SCN9A: variants seen among roughly 807,000 people sequenced by gnomAD.
SCN9A encodes the protein sodium channel protein type 9 subunit alpha.
Under a neutral mutation model 187.0 loss-of-function variants are expected in SCN9A, and 131 were observed. The ratio of observed to expected loss-of-function variants is 0.70; its 90% CI spans 0.61 to 0.81. The LOEUF (loss-of-function observed/expected upper bound fraction) is 0.81. Among genes scored for constraint, SCN9A ranks in the 30% least tolerant of loss-of-function variants. The pLI, the probability that SCN9A is intolerant of heterozygous loss-of-function variation, is 0.00. For missense variants in SCN9A, 2,252 were observed against 2,396.6 expected (o/e 0.94, Z 1.26); for synonymous variants, 809 against 808.6 (o/e 1.00, Z -0.01).
chr2:166,264,425 G>T (rs1024278191), intron 17 of SCN9A, among the ~76,000 whole-genome samples: 3 of 151,906 alleles, frequency 2.0e-5, no homozygotes, highest in African/African-American at 7.2e-5. Flanking sequence ...TTATTCTCAT[G>T]GGTACCTTTG....
intron 2 of SCN9A, among the ~76,000 whole-genome samples, chr2:166,309,361 G>C (rs1559032970): frequency 6.6e-6 from 1 of 152,076 alleles, no homozygotes; most frequent in Non-Finnish European, 1.5e-5. Context: ...ATACACATGA[G>C]AGTTAATTAT....
rs113850984 is a variant in SCN9A at position 166,311,799 on chromosome 2, T to G, written c.-43A>C. 1.1e-5 allele frequency: 16 copies of G among 1,523,142 alleles called. No homozygotes were observed. The African/African-American group carries it at 1.4e-4, about 13-fold the overall frequency. 94.4% of individuals were successfully genotyped at this position (1,523,142 alleles called of 1,614,324 possible). On this transcript the variant is annotated 5_prime_UTR_variant, in exon 2 of 27. It removes an upstream start codon present in the reference 5' UTR. Transcript: ENST00000642356. ...TTTAATTCCTCTTCAGCTCCTCACA[T>G]AAGAGGCCTGGATGGAAACAAAGAA...
chr2:166,289,608 A>G (rs958158266), intron 9 of SCN9A, among the ~76,000 whole-genome samples: 3 of 152,090 alleles, frequency 2.0e-5, no homozygotes, highest in Admixed American at 2.0e-4. Flanking sequence ...GTTGGTTCCC[A>G]GTCTTTGCTA....
intron 1 of SCN9A, among the ~76,000 whole-genome samples, chr2:166,348,213 TACAA>T (rs1349297267): frequency 1.8e-5 from 2 of 113,368 alleles, no homozygotes; most frequent in Non-Finnish European, 4.2e-5. Flanking sequence ...ACATTTTTCC[TACAA>T]ACTAAGAATA....
intron 18 of SCN9A, among the ~76,000 whole-genome samples, chr2:166,243,174 G>C (rs1393263981): frequency 6.6e-6 from 1 of 151,996 alleles, no homozygotes; most frequent in African/African-American, 2.4e-5. Flanking sequence ...AGATGAAACT[G>C]TTTCAAGTAT....
intron 23 of SCN9A, among the ~76,000 whole-genome samples, chr2:166,227,100 G>A (rs867020621): frequency 3.4e-4 from 52 of 151,870 alleles, no homozygotes; most frequent in African/African-American, 1.0e-3. Flanking sequence ...TTTTGATTCC[G>A]AATACATCTT....
intron 3 of SCN9A, 89 bp downstream of exon 3, chr2:166,306,867 G>A (rs1197519054): frequency 4.2e-6 from 3 of 722,598 alleles, no homozygotes; most frequent in African/African-American, 1.8e-5. Context: ...GTCTTTCAAG[G>A]TGCAAAAGGT....
chr2:166,284,148 C>T (rs1697620031), intron 12 of SCN9A, among the ~76,000 whole-genome samples: 1 of 152,140 alleles, frequency 6.6e-6, no homozygotes, highest in African/African-American at 2.4e-5. Context: ...CTTGCATTTT[C>T]TGTACTGATA....
intron 1 of SCN9A, among the ~76,000 whole-genome samples, chr2:166,331,083 TTAAA>T (rs1209132723): frequency 6.6e-6 from 1 of 152,130 alleles, no homozygotes; most frequent in African/African-American, 2.4e-5. Context: ...AGAACAAAAA[TTAAA>T]TAAGTTGTCT....
At chr2:166,363,679 T>C (rs550533340) in intron 1 of SCN9A, among the ~76,000 whole-genome samples, 5 of 152,178 alleles carry the variant, frequency 3.3e-5, no homozygotes, top group African/African-American at 7.2e-5. Context: ...CTACGAATTA[T>C]ATAGGAATTT....
rs528411030 is a variant in SCN9A at position 166,336,000 on chromosome 2, C to T, written c.-50-24194G>A. On this transcript the variant is annotated intron_variant, in intron 1 of 26. Coordinates refer to ENST00000642356, the MANE Select transcript of SCN9A (RefSeq NM_001365536.1). Reference sequence around the variant, plus strand: ...TAATCTAGAGATGATTTAAAGTATACGGTAGGATGTGAATAGATTATGTGC... The same window carrying T: ...TAATCTAGAGATGATTTAAAGTATATGGTAGGATGTGAATAGATTATGTGC... 8.1e-4 allele frequency among the ~76,000 whole-genome samples: 123 copies of T among 151,936 alleles called. 1 individual carries two copies. The highest frequency in any genetic ancestry group is 6.8e-3 in the Middle Eastern group (2 of 294).
rs968362489 is a variant in SCN9A, at chr2:166,304,254, A to G, written c.672T>C (p.Thr224=). ...RTFRVLRALK[T]ISVIPGLKTI... Reference sequence around the variant, plus strand: ...ACTTCTTACCTGGGATTACAGAAATAGTTTTCAAAGCTCTCAATACTCTGA... The same window carrying G: ...ACTTCTTACCTGGGATTACAGAAATGGTTTTCAAAGCTCTCAATACTCTGA... The change falls in exon 6 of 27, where the codon ACT becomes ACC. Residue 224 remains threonine (T), a synonymous_variant. Transcript: ENST00000642356. 15 of 1,613,544 alleles carry G rather than the reference A, an allele frequency of 9.3e-6. No individual in the cohort carries two copies. The highest frequency in any genetic ancestry group is 1.3e-5 in the Non-Finnish European group (15 of 1,179,518).
chr2:166,225,054 T>C (rs1694787475), intron 24 of SCN9A, among the ~76,000 whole-genome samples: 1 of 152,140 alleles, frequency 6.6e-6, no homozygotes, highest in African/African-American at 2.4e-5. Context: ...CACCAGCTGC[T>C]ATTAAAAAAG....
At position 166,280,522 on chromosome 2, in the gene SCN9A, G is replaced by A. The variant is rs779247575; in HGVS notation, c.2178C>T (p.Cys726=). 1.9e-6 allele frequency: 3 copies of A among 1,591,586 alleles called. No individual in the cohort carries two copies. The East Asian group carries it at 6.8e-5, about 36-fold the overall frequency. ...RFAHKFLIWN[C]SPYWIKFKKC... is the part of the protein sequence containing the mutation. The stretch of plus-strand genomic sequence containing the variant: ...TTTTGAATTTTATCCAATATGGAGA[G>A]CAATTCCAGATCAAGAATTTGTGTG... Residue 726 remains cysteine (C), a synonymous_variant, in exon 14 of 27, where the codon TGC becomes TGT. Coordinates refer to ENST00000642356, the MANE Select transcript of SCN9A (RefSeq NM_001365536.1).
chr2:166,247,550 C>A (rs1373170384), intron 18 of SCN9A, among the ~76,000 whole-genome samples: 1 of 151,998 alleles, frequency 6.6e-6, no homozygotes, highest in Non-Finnish European at 1.5e-5. Flanking sequence ...CAGAGTCTCA[C>A]TTTGTTGCCA....
Position 166,281,745 on chromosome 2 carries a change from G to T in SCN9A, c.2038C>A (p.Leu680Met). Reference protein sequence around the residue: ...CSSYLLSEDMLNDPNLRQRAM... With the variant: ...CSSYLLSEDMMNDPNLRQRAM... ...CTCTGTCTGAGGTTGGGATCATTCA[G>T]CATATCCTCTGAAAGGAGATAGGAA... The change falls in exon 13 of 27, where the codon CTG (leucine) becomes ATG (methionine). Residue 680 changes from leucine to methionine, a missense_variant. Physicochemically the swap from Leu to Met is conservative, Grantham distance 15. Transcript: ENST00000642356. 1 of 1,613,092 alleles carries T rather than the reference G, an allele frequency of 6.2e-7. No homozygotes were observed. The highest frequency in any genetic ancestry group is 8.5e-7 in the Non-Finnish European group (1 of 1,179,366).
chr2:166,306,564 G>T lies in SCN9A; in HGVS notation c.413C>A (p.Thr138Lys), dbSNP rs200408344. Residue 138 changes from threonine (T) to lysine (K), a missense_variant, in exon 4 of 27, where the codon ACA becomes AAA. Thr to Lys is a moderately conservative substitution (Grantham distance 78). Transcript: ENST00000642356. ...FSMLIMCTIL[T>K]NCIFMTMNNP... is the part of the protein sequence containing the mutation. ...ATTCATGGTCATAAATATGCAGTTT[G>T]TCAGAATAGTGCACATGATGAGCAT... 3 of 1,583,746 alleles carry T rather than the reference G, an allele frequency of 1.9e-6. No individual in the cohort carries two copies. Among genetic ancestry groups the T allele is most frequent in the African/African-American group, 1.3e-5 (1 of 74,606 alleles).
At chr2:166,334,932 A>G (rs1699591700) in intron 1 of SCN9A, among the ~76,000 whole-genome samples, 1 of 152,132 alleles carries the variant, frequency 6.6e-6, no homozygotes, top group African/African-American at 2.4e-5. Flanking sequence ...TGATTTTATT[A>G]CTTTCTTTGG....
chr2:166,267,639 GTTC>G (rs747726243), intron 17 of SCN9A, among the ~76,000 whole-genome samples: 2 of 151,884 alleles, frequency 1.3e-5, no homozygotes, highest in Admixed American at 6.6e-5. Context: ...ATTAGTATTA[GTTC>G]TTCTTTAAAT....
Sources: gnomAD v4.1 joint callset for allele counts (sites outside exome capture counted in the v4.1 genomes callset) on GRCh38, gnomAD v4.1.1 for gene constraint, MANE v1.5 for transcripts, NCBI Gene and HGNC (gene_info 2026-07-23, HGNC 2026-07-21) for gene names.